The following TNKS variants were observed in gnomAD, a reference collection of about 807,000 sequenced individuals.
The protein encoded by TNKS is poly [ADP-ribose] polymerase tankyrase-1.
In TNKS, 72 loss-of-function variants were observed where a neutral mutation model predicts 135.8. That is an observed-to-expected ratio of 0.53 (90% confidence interval 0.44 to 0.64). The LOEUF (loss-of-function observed/expected upper bound fraction) is 0.64. TNKS is among the 30% of genes least tolerant of loss of function. The pLI is 0.00. For missense variants in TNKS, 1,769 were observed against 1,674.0 expected (o/e 1.06, Z -0.99); for synonymous variants, 849 against 649.3 (o/e 1.31, Z -4.68).
At chr8:9,761,659 A>C (rs1237827779) in intron 21 of TNKS, 23 bp downstream of exon 21, 4 of 1,582,506 alleles carry the variant, frequency 2.5e-6, no homozygotes, top group Non-Finnish European at 3.4e-6. Flanking sequence ...GAAAAAAAAA[A>C]AAATTTCAGA....
In TNKS at chr8:9,779,347, T is replaced by G. The variant is rs1468255823; in HGVS notation, c.*2611T>G. On this transcript the variant is annotated 3_prime_UTR_variant, in exon 27 of 27. Coordinates refer to ENST00000310430, the MANE Select transcript of TNKS (RefSeq NM_003747.3). ...AGTCTTTTATTTTTTGTATATGTAC[T>G]ATATAGAAATACTAGCAAGTTAGGA... The G allele has an allele frequency of 6.6e-6, 1 of 152,518 alleles. No individual in the cohort carries two copies. The highest frequency in any genetic ancestry group is 1.5e-5 in the Non-Finnish European group (1 of 68,036). 9.4% of individuals were successfully genotyped at this position (152,518 alleles called of 1,614,324 possible).
In TNKS at chr8:9,706,300, T is replaced by C. The variant is rs772311590; in HGVS notation, c.1269+47T>C. 6 of 990,618 alleles carry C rather than the reference T, an allele frequency of 6.1e-6. No homozygotes were observed. The Admixed American group carries it at 8.0e-5, about 13-fold the overall frequency. 61.4% of individuals were successfully genotyped at this position (990,618 alleles called of 1,614,324 possible). ...GAGCATCATTTACTTTTTTTTTTTT[T>C]CTTTACCTTGTCATGACTTTCCATA... On this transcript the variant is annotated intron_variant, in intron 7 of 26. Coordinates refer to ENST00000310430, the MANE Select transcript of TNKS (RefSeq NM_003747.3).
chr8:9,719,067 G>C (rs958188546), intron 11 of TNKS, among the ~76,000 whole-genome samples: 2 of 152,174 alleles, frequency 1.3e-5, no homozygotes, highest in African/African-American at 4.8e-5. Flanking sequence ...TTGGTAGCTT[G>C]TGTTATCCAT....
At chr8:9,689,273 A>T (rs1428048147) in intron 5 of TNKS, among the ~76,000 whole-genome samples, 1 of 152,180 alleles carries the variant, frequency 6.6e-6, no homozygotes, top group Non-Finnish European at 1.5e-5. Flanking sequence ...AATTTCTAGA[A>T]GTATCAAAAA....
chr8:9,674,281 A>C (rs1470847637), intron 3 of TNKS, among the ~76,000 whole-genome samples: 1 of 152,184 alleles, frequency 6.6e-6, no homozygotes, highest in African/African-American at 2.4e-5. Flanking sequence ...GAAGTGGTTT[A>C]CCCAAGGTCA....
intron 3 of TNKS, among the ~76,000 whole-genome samples, chr8:9,664,143 G>C (rs1373838452): frequency 6.6e-6 from 1 of 152,294 alleles, no homozygotes; most frequent in East Asian, 1.9e-4. Flanking sequence ...AAAGAAAAGA[G>C]GTTTATTTGG....
intron 2 of TNKS, among the ~76,000 whole-genome samples, chr8:9,602,248 G>C (rs74800024): frequency 0.088 from 13,459 of 152,164 alleles, 634 homozygotes; most frequent in South Asian, 0.18. Flanking sequence ...TTAGCTAGTT[G>C]ATTACTTACG....
At chr8:9,706,362 G>GT (rs1804045832) in intron 7 of TNKS, 109 bp downstream of exon 7, 8 of 875,506 alleles carry the variant, frequency 9.1e-6, no homozygotes, top group Admixed American at 3.3e-5. Context: ...GTTCTTTGGG[G>GT]TTTTTTGTTT....
intron 5 of TNKS, among the ~76,000 whole-genome samples, chr8:9,684,332 G>A (rs1802899984): frequency 6.6e-6 from 1 of 151,864 alleles, no homozygotes; most frequent in Admixed American, 6.6e-5. Context: ...ATTTAAGGTG[G>A]TAATATTCTC....
At chr8:9,656,004 A>G (rs1801349491) in intron 3 of TNKS, among the ~76,000 whole-genome samples, 1 of 152,224 alleles carries the variant, frequency 6.6e-6, no homozygotes, top group Admixed American at 6.5e-5. Context: ...AAAAAAAATT[A>G]GACAAATGGC....
chr8:9,621,694 G>C (rs942852583), intron 3 of TNKS, among the ~76,000 whole-genome samples: 2 of 152,034 alleles, frequency 1.3e-5, no homozygotes, highest in African/African-American at 4.8e-5. Flanking sequence ...ATGTTTTACT[G>C]TCAGACTATA....
chr8:9,625,307 C>T (rs1352932155), intron 3 of TNKS, among the ~76,000 whole-genome samples: 1 of 151,726 alleles, frequency 6.6e-6, no homozygotes, highest in Non-Finnish European at 1.5e-5. Flanking sequence ...GTGTTTTCTC[C>T]TTTTCTTTGT....
chr8:9,689,781 T>G (rs1803174702), intron 5 of TNKS, among the ~76,000 whole-genome samples: 1 of 152,236 alleles, frequency 6.6e-6, no homozygotes, highest in African/African-American at 2.4e-5. Context: ...TAAAATCAGC[T>G]GAAGGAATTT....
chr8:9,684,491 C>T (rs950900398), intron 5 of TNKS, among the ~76,000 whole-genome samples: 1 of 151,948 alleles, frequency 6.6e-6, no homozygotes, highest in African/African-American at 2.4e-5. Flanking sequence ...TCTTTATCCC[C>T]TTCCAAAATA....
intron 11 of TNKS, among the ~76,000 whole-genome samples, chr8:9,716,095 T>C (rs959232071): frequency 6.6e-6 from 1 of 152,338 alleles, no homozygotes; most frequent in African/African-American, 2.4e-5. Context: ...TGAAGGAATT[T>C]TTTTGACAGT....
chr8:9,612,746 C>G (rs934765540), intron 2 of TNKS, among the ~76,000 whole-genome samples: 1 of 152,052 alleles, frequency 6.6e-6, no homozygotes. Context: ...GGGGTTAGGA[C>G]CGTTGAACAA....
At chr8:9,731,460 C>CAAAAAAA (rs36213271) in intron 14 of TNKS, among the ~76,000 whole-genome samples, 11 of 67,520 alleles carry the variant, frequency 1.6e-4, no homozygotes, top group East Asian at 5.3e-4. Flanking sequence ...AATTCCATCT[C>CAAAAAAA]AAAAAAAAAA....
intron 13 of TNKS, among the ~76,000 whole-genome samples, chr8:9,729,003 G>C (rs1447343229): frequency 6.6e-6 from 1 of 152,192 alleles, no homozygotes; most frequent in East Asian, 1.9e-4. Context: ...AGTTCTGGAG[G>C]CTAGGAAGTC....
At chr8:9,757,911 G>T (rs1191347909) in intron 20 of TNKS, among the ~76,000 whole-genome samples, 1 of 152,186 alleles carries the variant, frequency 6.6e-6, no homozygotes, top group African/African-American at 2.4e-5. Context: ...TTTCATTGAA[G>T]GTTTTTCAGT....
Sources: allele counts gnomAD v4.1 joint callset (sites outside exome capture counted in the v4.1 genomes callset), GRCh38; gene constraint gnomAD v4.1.1; transcripts MANE v1.5; gene names NCBI Gene and HGNC (gene_info 2026-07-23, HGNC 2026-07-21).